GPC5: variants seen among roughly 807,000 people sequenced by gnomAD.
GPC5 encodes glypican-5.
Under a neutral mutation model 53.9 loss-of-function variants are expected in GPC5, and 47 were observed. The ratio of observed to expected loss-of-function variants is 0.87; its 90% CI spans 0.69 to 1.11. The LOEUF is 1.11. Among genes scored for constraint, GPC5 ranks in the 50% most tolerant of loss-of-function variants. The pLI is 0.00. For synonymous variants in GPC5, 286 were observed against 263.3 expected, an observed-to-expected ratio of 1.09 and a Z score of -0.84; for missense variants, 748 against 713.1, an observed-to-expected ratio of 1.05 and a Z score of -0.56.
At chr13:92,383,721 GAGAA>G (rs1479948044) in intron 7 of GPC5, among the ~76,000 whole-genome samples, 1 of 152,130 alleles carries the variant, frequency 6.6e-6, no homozygotes, top group Non-Finnish European at 1.5e-5. Flanking sequence ...TCAAGCACAT[GAGAA>G]AGATACATCA....
intron 2 of GPC5, among the ~76,000 whole-genome samples, chr13:91,479,441 A>G (rs1883186161): frequency 6.6e-6 from 1 of 152,148 alleles, no homozygotes; most frequent in African/African-American, 2.4e-5. Flanking sequence ...TGCATTTAGC[A>G]TTTTTGGAGA....
intron 7 of GPC5, among the ~76,000 whole-genome samples, chr13:92,715,919 T>G (rs1054522758): frequency 6.6e-6 from 1 of 152,212 alleles, no homozygotes; most frequent in African/African-American, 2.4e-5. Context: ...ATCTAGTTTT[T>G]GAAGATTCTG....
chr13:91,714,003 T>C (rs460929), intron 3 of GPC5, among the ~76,000 whole-genome samples: 32,795 of 152,040 alleles, frequency 0.22, 5,185 homozygotes, highest in African/African-American at 0.45. Context: ...AACCATTGAA[T>C]CTCAGAGCCT....
intron 6 of GPC5, among the ~76,000 whole-genome samples, chr13:91,975,088 T>A (rs1429950513): frequency 1.3e-5 from 2 of 152,116 alleles, no homozygotes; most frequent in Admixed American, 6.5e-5. Flanking sequence ...TGAAACTGGA[T>A]CCCTTCCTCA....
chr13:92,753,213 C>A (rs1874673752), intron 7 of GPC5, among the ~76,000 whole-genome samples: 1 of 152,196 alleles, frequency 6.6e-6, no homozygotes, highest in African/African-American at 2.4e-5. Context: ...GGGAGGCACC[C>A]CCCAGCAGGG....
At chr13:91,656,980 G>T (rs1277536383) in intron 2 of GPC5, among the ~76,000 whole-genome samples, 1 of 152,164 alleles carries the variant, frequency 6.6e-6, no homozygotes, top group African/African-American at 2.4e-5. Context: ...GGAGAGACCT[G>T]GGAACAATCC....
chr13:92,752,842 C>G lies in GPC5; in HGVS notation c.1562-113440C>G, dbSNP rs534512262. Among the ~76,000 whole-genome samples, 4 of 152,304 alleles carry G rather than the reference C, an allele frequency of 2.6e-5. No individual in the cohort carries two copies. In the South Asian group the frequency reaches 8.3e-4, roughly 32 times the overall value. On this transcript the variant is annotated intron_variant, in intron 7 of 7. Transcript: ENST00000377067. ...TGCACCTGGCTCGGAGGGACCTACG[C>G]CCAGGGAGTCTCGCTGATTGCTAGC...
intron 4 of GPC5, among the ~76,000 whole-genome samples, chr13:91,739,577 A>G (rs933331273): frequency 6.6e-6 from 1 of 151,174 alleles, no homozygotes; most frequent in Non-Finnish European, 1.5e-5. Flanking sequence ...GGGCTGGAGT[A>G]TCATCTCCCA....
chr13:92,207,810 T>C (rs1191840669), intron 7 of GPC5, among the ~76,000 whole-genome samples: 1 of 152,228 alleles, frequency 6.6e-6, no homozygotes, highest in Non-Finnish European at 1.5e-5. Context: ...TTGTCCAAGT[T>C]GGTGCAATAT....
chr13:91,617,746 T>C (rs937859928), intron 2 of GPC5, among the ~76,000 whole-genome samples: 1 of 152,108 alleles, frequency 6.6e-6, no homozygotes, highest in Non-Finnish European at 1.5e-5. Context: ...AGGAAAAGTC[T>C]TAGCATGGAG....
At chr13:92,139,783 A>G (rs1292001993) in intron 6 of GPC5, among the ~76,000 whole-genome samples, 1 of 152,124 alleles carries the variant, frequency 6.6e-6, no homozygotes, top group African/African-American at 2.4e-5. Flanking sequence ...TTTTTCTAGA[A>G]CATCAGGGTC....
chr13:92,617,602 C>T (rs1884735953), intron 7 of GPC5, among the ~76,000 whole-genome samples: 1 of 152,136 alleles, frequency 6.6e-6, no homozygotes, highest in African/African-American at 2.4e-5. Context: ...AGATTCATTT[C>T]ACTTGATATG....
chr13:91,599,467 T>A (rs1306611485), intron 2 of GPC5, among the ~76,000 whole-genome samples: 1 of 152,134 alleles, frequency 6.6e-6, no homozygotes, highest in Non-Finnish European at 1.5e-5. Flanking sequence ...GTAAACATCA[T>A]CATTAAAAAA....
intron 7 of GPC5, among the ~76,000 whole-genome samples, chr13:92,673,930 A>G (rs968072538): frequency 2.0e-5 from 3 of 152,208 alleles, no homozygotes; most frequent in African/African-American, 7.2e-5. Flanking sequence ...TCCATTTTCA[A>G]TTGTAAAAAA....
At chr13:92,577,416 A>ATGTGTGTGTG (rs1455799151) in intron 7 of GPC5, among the ~76,000 whole-genome samples, 2 of 95,600 alleles carry the variant, frequency 2.1e-5, no homozygotes, top group Non-Finnish European at 4.9e-5. Flanking sequence ...GTATGTATGT[A>ATGTGTGTGTG]TATGTGTGTG....
In GPC5 at chr13:91,399,159, A is replaced by G. The variant is rs1169166533; in HGVS notation, c.113A>G (p.Gln38Arg). ...TGCGAAGAAGTTCGGAAACTTTTCC[A>G]GTGGCGGCTGCTGGGAGCTGTCAGG... ...QTCEEVRKLF[Q>R]WRLLGAVRGL... is the part of the protein sequence containing the mutation. The change falls in exon 1 of 8, where the codon CAG becomes CGG. Residue 38 changes from glutamine to arginine, a missense_variant. By Grantham distance (43) the Gln-to-Arg change is conservative. Transcript: ENST00000377067. The G allele has an allele frequency of 6.2e-7, 1 of 1,612,756 alleles. No homozygotes were observed. The highest frequency in any genetic ancestry group is 8.5e-7 in the Non-Finnish European group (1 of 1,179,658).
intron 7 of GPC5, among the ~76,000 whole-genome samples, chr13:92,464,908 T>C (rs1878631426): frequency 6.6e-6 from 1 of 151,840 alleles, no homozygotes; most frequent in Non-Finnish European, 1.5e-5. Context: ...GTAAACTATA[T>C]ATTTAAACAA....
At chr13:91,463,895 T>C (rs1453273204) in intron 2 of GPC5, among the ~76,000 whole-genome samples, 1 of 152,068 alleles carries the variant, frequency 6.6e-6, no homozygotes, top group East Asian at 1.9e-4. Context: ...CCATGTTTCA[T>C]AAAAGGGAAA....
At chr13:92,110,498 A>G (rs1183952776) in intron 6 of GPC5, among the ~76,000 whole-genome samples, 1 of 152,128 alleles carries the variant, frequency 6.6e-6, no homozygotes, top group Non-Finnish European at 1.5e-5. Context: ...CCTTTCCACT[A>G]GAAATGCATA....
Sources: allele counts gnomAD v4.1 joint callset (sites outside exome capture counted in the v4.1 genomes callset), GRCh38; gene constraint gnomAD v4.1.1; transcripts MANE v1.5; gene names NCBI Gene and HGNC (gene_info 2026-07-23, HGNC 2026-07-21).